The following RAB11B variants were observed in gnomAD, a reference collection of about 807,000 sequenced individuals.
RAB11B encodes the protein RAB11B, member RAS oncogene family, also known as ras-related protein Rab-11B.
RAB11B carries 7 observed loss-of-function variants against 23.7 expected under a neutral mutation model. The ratio of observed to expected loss-of-function variants is 0.29; its 90% confidence interval spans 0.17 to 0.55. The LOEUF (loss-of-function observed/expected upper bound fraction) is 0.55. RAB11B is among the 20% of genes least tolerant of loss of function. The pLI, the probability that RAB11B is intolerant of heterozygous loss-of-function variation, is 0.93. For missense variants in RAB11B, 189 were observed against 320.0 expected (o/e 0.59, Z 3.12); for synonymous variants, 138 against 132.0 (o/e 1.05, Z -0.31).
intron 1 of RAB11B, among the ~76,000 whole-genome samples, chr19:8,391,097 C>T (rs1402253611): frequency 2.6e-5 from 4 of 152,148 alleles, no homozygotes; most frequent in Admixed American, 2.6e-4. Context: ...CATCTCTTCA[C>T]TCAGAACTCT....
chr19:8,392,490 C>A (rs1016125826), intron 1 of RAB11B, among the ~76,000 whole-genome samples: 2 of 151,724 alleles, frequency 1.3e-5, no homozygotes, highest in African/African-American at 2.4e-5. Context: ...GCCCTGCTGC[C>A]CTCCCCACAC....
At chr19:8,401,804 G>A (rs1971439623) in intron 2 of RAB11B, among the ~76,000 whole-genome samples, 1 of 152,220 alleles carries the variant, frequency 6.6e-6, no homozygotes, top group Admixed American at 6.5e-5. Flanking sequence ...TTACAGGCAT[G>A]AGCCACCATG....
chr19:8,392,465 G>C (rs1365261448), intron 1 of RAB11B, among the ~76,000 whole-genome samples: 2 of 151,822 alleles, frequency 1.3e-5, no homozygotes, highest in Non-Finnish European at 2.9e-5. Context: ...TGTGGGGTGG[G>C]GGGGGGCGGT....
Position 8,403,545 on chromosome 19 carries a change from G to A in RAB11B, c.644G>A (p.Cys215Tyr). Reference sequence around the variant, plus strand: ...CAGAAGCCCAACAAGCTGCAGTGCTGCCAGAACCTGTGACCCCTGCGCCTC... The same window carrying A: ...CAGAAGCCCAACAAGCTGCAGTGCTACCAGAACCTGTGACCCCTGCGCCTC... ...DGQKPNKLQCCQNL is the reference protein window; with the variant it reads ...DGQKPNKLQCYQNL The change falls in exon 5 of 5, where the codon TGC (cysteine) becomes TAC (tyrosine). Residue 215 changes from cysteine to tyrosine, a missense_variant. This residue lies in a region of RAB11B where 122 missense variants were observed against 170.8 expected (regional missense o/e 0.71). Coordinates refer to ENST00000328024, the MANE Select transcript of RAB11B (RefSeq NM_004218.4). 1.2e-6 allele frequency: 2 copies of A among 1,613,056 alleles called. No homozygotes were observed. Among genetic ancestry groups the A allele is most frequent in the Non-Finnish European group, 1.7e-6 (2 of 1,179,358 alleles).
At chr19:8,392,929 A>G (rs1971369302) in intron 1 of RAB11B, among the ~76,000 whole-genome samples, 1 of 148,048 alleles carries the variant, frequency 6.8e-6, no homozygotes, top group Non-Finnish European at 1.5e-5. Flanking sequence ...CAGGTGATCC[A>G]CCTGTCTCGG....
rs565244001 is a variant in RAB11B at position 8,401,812 on chromosome 19, A to G, written c.237-274A>G. 1.4e-4 allele frequency among the ~76,000 whole-genome samples: 21 copies of G among 152,292 alleles called. No individual in the cohort carries two copies. In the East Asian group the frequency reaches 4.1e-3, roughly 29 times the overall value. On this transcript the variant is annotated intron_variant, in intron 2 of 4. Coordinates refer to ENST00000328024, the MANE Select transcript of RAB11B (RefSeq NM_004218.4). ...GCTGGGATTACAGGCATGAGCCACC[A>G]TGCCCAGCCCCTTCTTCCCTTTTTT... is the stretch of plus-strand genomic sequence containing the variant.
intron 1 of RAB11B, among the ~76,000 whole-genome samples, chr19:8,393,625 C>T (rs761544274): frequency 5.9e-5 from 9 of 152,208 alleles, no homozygotes; most frequent in South Asian, 2.1e-4. Context: ...GGGGGTCCCT[C>T]CAGTGCCCTG....
rs572841735 is a variant in RAB11B at position 8,395,342 on chromosome 19, C to T, written c.41-4521C>T. ...AGCTTGGAGTGCAGTGGCACGATCC[C>T]GGCTCACTGCAACCTCCGCCTCCCA... On this transcript the variant is annotated intron_variant, in intron 1 of 4. Transcript: ENST00000328024. Among the ~76,000 whole-genome samples, 277 of 150,400 alleles carry T rather than the reference C, an allele frequency of 1.8e-3. 1 individual carries two copies. Among genetic ancestry groups the T allele is most frequent in the African/African-American group, 6.6e-3 (270 of 40,756 alleles).
At position 8,403,595 on chromosome 19, in the gene RAB11B, C is replaced by T. The variant is rs375840799; in HGVS notation, c.*37C>T. The stretch of plus-strand genomic sequence containing the variant: ...CCACCCAGCGTGCGTGCACGTCCTC[C>T]GCCCGCCCCCGCCACGGTATCCTCT... On this transcript the variant is annotated 3_prime_UTR_variant, in exon 5 of 5. Transcript: ENST00000328024. 25 of 1,574,768 alleles carry T rather than the reference C, an allele frequency of 1.6e-5. No homozygotes were observed. Among genetic ancestry groups the T allele is most frequent in the African/African-American group, 4.0e-5 (3 of 74,600 alleles).
chr19:8,399,480 C>A (rs961515890), intron 1 of RAB11B, among the ~76,000 whole-genome samples: 5 of 152,230 alleles, frequency 3.3e-5, no homozygotes, highest in African/African-American at 4.8e-5. Context: ...CCCAAGGTCA[C>A]CCCGCTCAGG....
In RAB11B at chr19:8,403,737, G is replaced by A. The variant is rs2145514614; in HGVS notation, c.*179G>A. On this transcript the variant is annotated 3_prime_UTR_variant, in exon 5 of 5. Coordinates refer to ENST00000328024, the MANE Select transcript of RAB11B (RefSeq NM_004218.4). ...CCAGTGCTACCCCGTCCTGCCCGGG[G>A]AAAAGCTAGAAGCCCCGGTTTGCTG... 3.5e-6 allele frequency: 3 copies of A among 864,230 alleles called. No homozygotes were observed. The South Asian group carries it at 6.4e-5, about 18-fold the overall frequency. The allele number at this position is 864,230 out of a possible 1,614,324, so 53.5% of individuals were successfully genotyped here.
At chr19:8,397,968 TG>T (rs1240181131) in intron 1 of RAB11B, among the ~76,000 whole-genome samples, 1 of 152,006 alleles carries the variant, frequency 6.6e-6, no homozygotes, top group Non-Finnish European at 1.5e-5. Flanking sequence ...GGCCCACACT[TG>T]GGGGTCCACG....
intron 1 of RAB11B, 22 bp downstream of exon 1, chr19:8,390,478 C>A: frequency 6.7e-7 from 1 of 1,485,316 alleles, no homozygotes; most frequent in Non-Finnish European, 8.9e-7. Flanking sequence ...GGGGCACAGA[C>A]GGGCGAAGTC....
chr19:8,402,343 T>C, intron 3 of RAB11B, 64 bp downstream of exon 3: 3 of 1,526,264 alleles, frequency 2.0e-6, no homozygotes, highest in Non-Finnish European at 2.7e-6. Context: ...CTCACAGTGT[T>C]GGGGCCCTGG....
chr19:8,393,377 G>T (rs62117515), intron 1 of RAB11B, among the ~76,000 whole-genome samples: 32,084 of 152,104 alleles, frequency 0.21, 4,168 homozygotes, highest in South Asian at 0.31. Context: ...GACATGGGTC[G>T]TGGGGGAAAC....
chr19:8,391,396 G>A (rs887561359), intron 1 of RAB11B, among the ~76,000 whole-genome samples: 1 of 152,242 alleles, frequency 6.6e-6, no homozygotes, highest in East Asian at 1.9e-4. Flanking sequence ...CTGATGGCCG[G>A]GGCCCCAGCC....
chr19:8,392,269 C>G (rs1971361068), intron 1 of RAB11B, among the ~76,000 whole-genome samples: 1 of 152,164 alleles, frequency 6.6e-6, no homozygotes. Context: ...TGACCCAGCT[C>G]CGAGTGCTTG....
chr19:8,402,951 C>T (rs1286650468), intron 4 of RAB11B: 7 of 410,286 alleles, frequency 1.7e-5, no homozygotes, highest in East Asian at 1.0e-4. Flanking sequence ...GCGTGAGCCA[C>T]TGCACCTGGC....
intron 2 of RAB11B, among the ~76,000 whole-genome samples, chr19:8,401,658 T>G (rs1338684157): frequency 1.3e-5 from 2 of 152,166 alleles, no homozygotes; most frequent in Admixed American, 6.6e-5. Flanking sequence ...GTGCTGGGAT[T>G]ACAGGCATGA....
Sources: gnomAD v4.1 joint callset for allele counts (sites outside exome capture counted in the v4.1 genomes callset) on GRCh38, gnomAD v4.1.1 for gene constraint, gnomAD v4.1.1 regional missense constraint, MANE v1.5 for transcripts, NCBI Gene and HGNC (gene_info 2026-07-23, HGNC 2026-07-21) for gene names.